The following SLC35B4 variants were observed in gnomAD, a reference collection of about 807,000 sequenced individuals.
SLC35B4 encodes the protein nucleotide sugar transporter SLC35B4.
Under a neutral mutation model 39.5 loss-of-function variants are expected in SLC35B4, and 28 were observed. That is an observed-to-expected ratio of 0.71 (90% confidence interval 0.53 to 0.97). The LOEUF (loss-of-function observed/expected upper bound fraction) is 0.97, where lower values mean the gene tolerates loss of function less well. SLC35B4 is among the 50% of genes least tolerant of loss of function. The pLI is 0.00. For missense variants in SLC35B4, 334 were observed against 414.3 expected (o/e 0.81, Z 1.68); for synonymous variants, 145 against 150.4 (o/e 0.96, Z 0.26).
intron 4 of SLC35B4, 143 bp from the exon 5 acceptor site, chr7:134,302,253 G>A (rs1803599315): frequency 1.5e-6 from 1 of 679,808 alleles, no homozygotes; most frequent in Non-Finnish European, 2.5e-6. Flanking sequence ...AGAGTCCACA[G>A]AAGTATGCAT....
At chr7:134,313,029 A>G (rs1803881593) in intron 1 of SLC35B4, among the ~76,000 whole-genome samples, 1 of 152,212 alleles carries the variant, frequency 6.6e-6, no homozygotes, top group African/African-American at 2.4e-5. Flanking sequence ...ATTTCTATAG[A>G]ATTTAAAAAT....
rs558155124 is a variant in SLC35B4, at chr7:134,304,634, T to C, written c.344+171A>G. Among the ~76,000 whole-genome samples the C allele has an allele frequency of 8.7e-4, 133 of 152,102 alleles. 2 individuals carry two copies. The highest frequency in any genetic ancestry group is 2.6e-4 in the Non-Finnish European group (18 of 68,018). Reference sequence around the variant, plus strand: ...AGGTGTGGCCTCTTACCTGATCAGCTGCTTCAGGACATTGCATGATTGGGC... The same window carrying C: ...AGGTGTGGCCTCTTACCTGATCAGCCGCTTCAGGACATTGCATGATTGGGC... On this transcript the variant is annotated intron_variant, in intron 4 of 9. Transcript: ENST00000378509.
chr7:134,308,121 T>A (rs894771229), intron 2 of SLC35B4, among the ~76,000 whole-genome samples: 1 of 152,042 alleles, frequency 6.6e-6, no homozygotes, highest in Non-Finnish European at 1.5e-5. Flanking sequence ...AGGACATGCA[T>A]GAGAATATGG....
chr7:134,317,122 G>T (rs1804007652), upstream of SLC35B4: 1 of 232,462 alleles, frequency 4.3e-6, no homozygotes, highest in Admixed American at 5.5e-5. Context: ...GCGGCCGCGG[G>T]TCTTGCTGGG....
At chr7:134,309,931 T>G (rs556745051) in intron 1 of SLC35B4, among the ~76,000 whole-genome samples, 53 of 152,322 alleles carry the variant, frequency 3.5e-4, no homozygotes, top group African/African-American at 1.3e-3. Flanking sequence ...TCACCAAGAC[T>G]GCTGTCAAAC....
chr7:134,304,210 G>A (rs79551366), intron 4 of SLC35B4, among the ~76,000 whole-genome samples: 10,211 of 152,026 alleles, frequency 0.067, 917 homozygotes, highest in East Asian at 0.48. Context: ...ACAACATGGC[G>A]AAACCCAATC....
At chr7:134,296,551 C>A in intron 8 of SLC35B4, 85 bp from the exon 9 acceptor site, 1 of 919,854 alleles carries the variant, frequency 1.1e-6, no homozygotes, top group South Asian at 1.5e-5. Context: ...ACAGACTGAA[C>A]ATAATAGGAA....
chr7:134,308,649 C>G (rs529825529), intron 2 of SLC35B4, among the ~76,000 whole-genome samples: 1 of 152,156 alleles, frequency 6.6e-6, no homozygotes, highest in African/African-American at 2.4e-5. Flanking sequence ...ACCAGAATGT[C>G]GCTCTAAACG....
In SLC35B4 at chr7:134,294,643, G is replaced by A; in HGVS notation, c.*190C>T. The A allele has an allele frequency of 3.3e-6, 2 of 611,170 alleles. No homozygotes were observed. Among genetic ancestry groups the A allele is most frequent in the Non-Finnish European group, 5.6e-6 (2 of 356,380 alleles). The allele number at this position is 611,170 out of a possible 1,614,324, so 37.9% of individuals were successfully genotyped here. A position where few individuals can be genotyped will look rare whatever the true frequency, so the allele number is the denominator to read the frequency against. On this transcript the variant is annotated 3_prime_UTR_variant, in exon 10 of 10. Transcript: ENST00000378509. ...GAACTGTTCTTTTTTCTATTTTAGG[G>A]CTGAGGGGTTTCTATTTAGTCTACA...
In SLC35B4 at chr7:134,296,416, A is replaced by T; in HGVS notation, c.724T>A (p.Tyr242Asn). Residue 242 changes from tyrosine (Y) to asparagine (N), a missense_variant, in exon 9 of 10, where the codon TAC (tyrosine) becomes AAC (asparagine). Transcript: ENST00000378509. ...IGVTLPIMWF[Y>N]LLMNIITQYV... ...TGAGTGATGATGTTCATGAGGAGGT[A>T]GAACCACATGATGGGCAGGGTCACT... The T allele has an allele frequency of 1.2e-6, 2 of 1,614,058 alleles. No individual in the cohort carries two copies. Among genetic ancestry groups the T allele is most frequent in the South Asian group, 2.2e-5 (2 of 91,008 alleles).
At chr7:134,319,134 G>T (rs73727226), upstream of SLC35B4, among the ~76,000 whole-genome samples, 1,617 of 152,232 alleles carry the variant, frequency 0.011, 44 homozygotes, top group African/African-American at 0.037. Flanking sequence ...CATGCTCAAA[G>T]AAACTAACTT....
At chr7:134,311,608 T>C (rs1327590094) in intron 1 of SLC35B4, among the ~76,000 whole-genome samples, 1 of 152,112 alleles carries the variant, frequency 6.6e-6, no homozygotes, top group Non-Finnish European at 1.5e-5. Flanking sequence ...TGAGCCGAGA[T>C]CATGCCACTG....
intron 3 of SLC35B4, among the ~76,000 whole-genome samples, chr7:134,305,692 C>T (rs982821381): frequency 1.3e-5 from 2 of 152,152 alleles, no homozygotes; most frequent in African/African-American, 2.4e-5. Flanking sequence ...TTCCCTCAGA[C>T]GGAGTTTTGC....
chr7:134,302,397 T>C (rs573619044), intron 4 of SLC35B4, among the ~76,000 whole-genome samples: 6 of 152,334 alleles, frequency 3.9e-5, no homozygotes, highest in Admixed American at 2.6e-4. Flanking sequence ...AGATGTGATG[T>C]TGCATTCTGC....
At chr7:134,313,237 C>A (rs1803889274) in intron 1 of SLC35B4, among the ~76,000 whole-genome samples, 1 of 152,192 alleles carries the variant, frequency 6.6e-6, no homozygotes, top group Non-Finnish European at 1.5e-5. Flanking sequence ...TCACTAACTG[C>A]AAACAGTTTC....
chr7:134,303,560 A>G (rs1803640822), intron 4 of SLC35B4, among the ~76,000 whole-genome samples: 1 of 152,188 alleles, frequency 6.6e-6, no homozygotes, highest in Non-Finnish European at 1.5e-5. Context: ...CAGGAGATAA[A>G]CGGTCCATGA....
At chr7:134,314,067 T>C (rs1378923426) in intron 1 of SLC35B4, among the ~76,000 whole-genome samples, 1 of 152,206 alleles carries the variant, frequency 6.6e-6, no homozygotes, top group Non-Finnish European at 1.5e-5. Context: ...ATTTACAAAT[T>C]ATTCAAAATA....
chr7:134,299,629 A>G, intron 7 of SLC35B4, 31 bp from the exon 8 acceptor site: 1 of 1,562,050 alleles, frequency 6.4e-7, no homozygotes, highest in African/African-American at 1.4e-5. Context: ...GATAAATGTA[A>G]GTGCAAAAAC....
chr7:134,317,978 G>A (rs116766608), upstream of SLC35B4, among the ~76,000 whole-genome samples: 591 of 152,322 alleles, frequency 3.9e-3, 6 homozygotes, highest in African/African-American at 0.013. Context: ...GAATCCAACA[G>A]CAATAGCAAA....
Sources: gnomAD v4.1 joint callset for allele counts (sites outside exome capture counted in the v4.1 genomes callset) on GRCh38, gnomAD v4.1.1 for gene constraint, MANE v1.5 for transcripts, NCBI Gene and HGNC (gene_info 2026-07-23, HGNC 2026-07-21) for gene names.